NT5DC1: variants seen among roughly 807,000 people sequenced by gnomAD.
The protein encoded by NT5DC1 is 5'-nucleotidase domain-containing protein 1.
In NT5DC1, 42 loss-of-function variants were observed where a neutral mutation model predicts 59.4. The observed-to-expected ratio is 0.71, with a 90% CI of 0.55 to 0.92. NT5DC1 has a LOEUF of 0.92. Among genes scored for constraint, NT5DC1 ranks in the 40% least tolerant of loss-of-function variants. The pLI is 0.00. For missense variants in NT5DC1, 501 were observed against 537.1 expected (o/e 0.93, Z 0.66); for synonymous variants, 172 against 188.1 (o/e 0.91, Z 0.70).
intron 6 of NT5DC1, chr6:116,158,494 A>G (rs113160673): frequency 1.3e-5 from 2 of 152,342 alleles, no homozygotes; most frequent in Non-Finnish European, 2.9e-5. Flanking sequence ...TTCTTTAAAT[A>G]CATTTTATCT....
chr6:116,237,310 C>T, intron 9 of NT5DC1: 1 of 618,672 alleles, frequency 1.6e-6, no homozygotes, highest in Non-Finnish European at 3.0e-6. Flanking sequence ...ATCCTGATAA[C>T]AATCTATCCA....
intron 6 of NT5DC1, among the ~76,000 whole-genome samples, chr6:116,195,940 A>T (rs1276456512): frequency 6.6e-6 from 1 of 152,050 alleles, no homozygotes; most frequent in Non-Finnish European, 1.5e-5. Flanking sequence ...TCCTGCCTCT[A>T]ACCATATTTG....
intron 6 of NT5DC1, chr6:116,120,412 G>C: frequency 6.2e-7 from 1 of 1,614,240 alleles, no homozygotes. Context: ...CAAATGGTAT[G>C]GGAGTTCCTA....
rs779070154 is a variant in NT5DC1, at chr6:116,106,331, T to A, written c.181T>A (p.Phe61Ile). 1 of 1,441,258 alleles carries A rather than the reference T, an allele frequency of 6.9e-7. No individual in the cohort carries two copies. Among genetic ancestry groups the A allele is most frequent in the East Asian group, 2.3e-5 (1 of 43,710 alleles). The allele number at this position is 1,441,258 out of a possible 1,614,324, so 89.3% of individuals were successfully genotyped here. A position where few individuals can be genotyped will look rare whatever the true frequency, so the allele number is the denominator to read the frequency against. ...CAATGTGACCCCAGAGGATTGGGAT[T>A]TCTGGTAAGTTCTTTTTTTTTTTTT... ...LLNVTPEDWDFCCKGLALDLE... is the reference protein window; with the variant it reads ...LLNVTPEDWDICCKGLALDLE... Residue 61 changes from phenylalanine (F) to isoleucine (I), a missense_variant, in exon 2 of 12, where the codon TTC (phenylalanine) becomes ATC (isoleucine). Physicochemically the swap from Phe to Ile is conservative, Grantham distance 21 (BLOSUM62 0). Coordinates refer to ENST00000319550, the MANE Select transcript of NT5DC1 (RefSeq NM_152729.3).
At position 116,161,005 on chromosome 6, in the gene NT5DC1, G is replaced by C. The variant is rs970407596; in HGVS notation, c.529+43060G>C. On this transcript the variant is annotated intron_variant, in intron 6 of 11. Transcript: ENST00000319550. ...GCACATATACACCATGGAATACTAT[G>C]CAGCCATAAAAAATGATGAGTTCAT... Among the ~76,000 whole-genome samples the C allele has an allele frequency of 7.2e-5, 11 of 151,876 alleles. No individual in the cohort carries two copies. In the East Asian group the frequency reaches 1.9e-3, roughly 27 times the overall value.
chr6:116,184,226 A>T (rs536251973), intron 6 of NT5DC1, among the ~76,000 whole-genome samples: 20 of 152,076 alleles, frequency 1.3e-4, no homozygotes, highest in Non-Finnish European at 2.5e-4. Context: ...ATGTCAAACT[A>T]TCCCTGCGTC....
intron 6 of NT5DC1, among the ~76,000 whole-genome samples, chr6:116,179,295 T>C (rs529887687): frequency 8.1e-4 from 124 of 152,290 alleles, no homozygotes; most frequent in African/African-American, 2.9e-3. Context: ...TTCTGAAAAC[T>C]GCATAATGGC....
At chr6:116,110,709 G>A in intron 3 of NT5DC1, 141 bp from the exon 4 acceptor site, 1 of 719,300 alleles carries the variant, frequency 1.4e-6, no homozygotes, top group Non-Finnish European at 2.5e-6. Context: ...ATCCTAAACA[G>A]GGAGGCACCC....
At chr6:116,116,189 T>A (rs1408189040) in intron 5 of NT5DC1, among the ~76,000 whole-genome samples, 2 of 152,218 alleles carry the variant, frequency 1.3e-5, no homozygotes, top group African/African-American at 4.8e-5. Context: ...ATTCACCATT[T>A]TGAACATCAT....
chr6:116,229,806 T>C lies in NT5DC1; in HGVS notation c.802+6675T>C, dbSNP rs989945988. On this transcript the variant is annotated intron_variant, in intron 8 of 11. Transcript: ENST00000319550. ...TCTCTGTCTCTCCTCTCTCTCTCTC[T>C]GTCTCGTCCCTTGGCCTTAGCTGTC... Among the ~76,000 whole-genome samples, 3 of 152,140 alleles carry C rather than the reference T, an allele frequency of 2.0e-5. 1 individual carries two copies. The South Asian group carries it at 6.2e-4, about 31-fold the overall frequency.
chr6:116,238,152 T>C, intron 9 of NT5DC1, 35 bp from the exon 10 acceptor site: 2 of 1,517,576 alleles, frequency 1.3e-6, no homozygotes, highest in Middle Eastern at 2.0e-4. Flanking sequence ...TTCACAATTC[T>C]GTGCCTCAAA....
At chr6:116,152,254 T>G (rs999594047) in intron 6 of NT5DC1, among the ~76,000 whole-genome samples, 4 of 152,210 alleles carry the variant, frequency 2.6e-5, no homozygotes, top group African/African-American at 9.6e-5. Context: ...CATTTAATTT[T>G]TTTCATTTAA....
chr6:116,142,020 A>G (rs1292401324), intron 6 of NT5DC1, among the ~76,000 whole-genome samples: 1 of 152,060 alleles, frequency 6.6e-6, no homozygotes, highest in African/African-American at 2.4e-5. Context: ...AACTCAAAAA[A>G]AAGATTTGTT....
At chr6:116,103,933 C>G (rs892542775) in intron 1 of NT5DC1, among the ~76,000 whole-genome samples, 3 of 152,196 alleles carry the variant, frequency 2.0e-5, no homozygotes, top group African/African-American at 7.2e-5. Context: ...GTCACATTTA[C>G]CTAGGCATTT....
At chr6:116,190,893 C>T (rs954520911) in intron 6 of NT5DC1, among the ~76,000 whole-genome samples, 1 of 151,994 alleles carries the variant, frequency 6.6e-6, no homozygotes, top group Non-Finnish European at 1.5e-5. Context: ...ACATGGCTCT[C>T]ATTAGTGGTT....
intron 7 of NT5DC1, among the ~76,000 whole-genome samples, chr6:116,222,274 C>T (rs1167175262): frequency 6.6e-6 from 1 of 152,134 alleles, no homozygotes; most frequent in Non-Finnish European, 1.5e-5. Flanking sequence ...TGGGCCCATG[C>T]TTTAAAATGA....
chr6:116,115,640 C>T (rs1778948960), intron 4 of NT5DC1, 51 bp from the exon 5 acceptor site: 3 of 867,672 alleles, frequency 3.5e-6, no homozygotes, highest in Non-Finnish European at 5.9e-6. Flanking sequence ...GTGTATTTCA[C>T]ATGCATGCAG....
At chr6:116,135,364 A>G (rs1779562200) in intron 6 of NT5DC1, among the ~76,000 whole-genome samples, 1 of 152,138 alleles carries the variant, frequency 6.6e-6, no homozygotes, top group Admixed American at 6.6e-5. Flanking sequence ...AATCCAAGTA[A>G]GTACTAGAAA....
intron 3 of NT5DC1, among the ~76,000 whole-genome samples, chr6:116,109,108 G>T (rs923243386): frequency 1.3e-5 from 2 of 152,138 alleles, no homozygotes; most frequent in Admixed American, 6.5e-5. Flanking sequence ...GGGAGCATCT[G>T]TTTTTTCTCC....
Sources: gnomAD v4.1 joint callset for allele counts (sites outside exome capture counted in the v4.1 genomes callset) on GRCh38, gnomAD v4.1.1 for gene constraint, MANE v1.5 for transcripts, NCBI Gene and HGNC (gene_info 2026-07-23, HGNC 2026-07-21) for gene names.